The following ZNF608 variants were observed in gnomAD, a reference collection of about 807,000 sequenced individuals.
ZNF608 encodes the protein zinc finger protein 608.
A neutral mutation model predicts 109.0 loss-of-function variants in ZNF608; 12 were observed. The observed-to-expected ratio is 0.11, with a 90% CI of 0.07 to 0.18. The LOEUF is 0.18. ZNF608 is among the 10% of genes least tolerant of loss of function. The probability of loss-of-function intolerance (pLI) is 1.00; values close to 1 mark genes in which losing one functional copy is unlikely to be tolerated. For missense variants in ZNF608, 1,707 were observed against 1,879.3 expected (o/e 0.91, Z 1.70); for synonymous variants, 732 against 717.4 (o/e 1.02, Z -0.33).
intron 2 of ZNF608, among the ~76,000 whole-genome samples, chr5:124,701,643 A>T (rs963893299): frequency 1.3e-5 from 2 of 152,224 alleles, no homozygotes; most frequent in African/African-American, 2.4e-5. Flanking sequence ...ACAGTTTCTA[A>T]AGGAGAAACT....
intron 3 of ZNF608, among the ~76,000 whole-genome samples, chr5:124,673,332 C>T (rs111659460): frequency 8.9e-4 from 136 of 152,266 alleles, no homozygotes; most frequent in Non-Finnish European, 1.6e-3. Flanking sequence ...AATACAGATA[C>T]GTAGATATCT....
At chr5:124,718,580 A>G (rs1329609234) in intron 2 of ZNF608, among the ~76,000 whole-genome samples, 1 of 152,240 alleles carries the variant, frequency 6.6e-6, no homozygotes, top group Non-Finnish European at 1.5e-5. Flanking sequence ...TTAACAGCCA[A>G]TCCTCTGTTT....
chr5:124,644,124 G>A (rs1333916135), intron 6 of ZNF608, 120 bp downstream of exon 6: 6 of 912,554 alleles, frequency 6.6e-6, no homozygotes, highest in Non-Finnish European at 9.6e-6. Flanking sequence ...ACTTTAAACA[G>A]CATAAAAACA....
intron 3 of ZNF608, among the ~76,000 whole-genome samples, chr5:124,658,075 G>A (rs1016443239): frequency 6.6e-6 from 1 of 151,986 alleles, no homozygotes; most frequent in Non-Finnish European, 1.5e-5. Context: ...AGTAGTTCCT[G>A]CTAAGGTTCC....
chr5:124,684,397 C>T lies in ZNF608; in HGVS notation c.1162+16617G>A, dbSNP rs557845757. On this transcript the variant is annotated intron_variant, in intron 3 of 9. Coordinates refer to ENST00000513986, the MANE Select transcript of ZNF608 (RefSeq NM_020747.3). ...GCCAAGAAAACACAGCCAGAGGGTA[C>T]GAAAAGGGAGGTTGCAGCCCTGTTC... 2.0e-5 allele frequency among the ~76,000 whole-genome samples: 3 copies of T among 152,244 alleles called. No homozygotes were observed. In the South Asian group the frequency reaches 6.2e-4, roughly 32 times the overall value.
At chr5:124,641,043 A>G (rs2149781150) in intron 8 of ZNF608, among the ~76,000 whole-genome samples, 1 of 152,324 alleles carries the variant, frequency 6.6e-6, no homozygotes, top group African/African-American at 2.4e-5. Flanking sequence ...AACTGGTGAC[A>G]ATTATTAAGT....
rs115714838 is a variant in ZNF608 at position 124,686,498 on chromosome 5, C to A, written c.1162+14516G>T. 2.1e-3 allele frequency among the ~76,000 whole-genome samples: 326 copies of A among 152,318 alleles called. 4 individuals are homozygous for A. The highest frequency in any genetic ancestry group is 6.9e-3 in the African/African-American group (285 of 41,578). ...CAATGCCCCAGTCCCAGTTGTGGCT[C>A]TTCTGTGTTTCTGGTACCCAGCCAC... On this transcript the variant is annotated intron_variant, in intron 3 of 9. Transcript: ENST00000513986.
rs1749566836 is a variant in ZNF608 at position 124,744,607 on chromosome 5, G to T, written c.383C>A (p.Pro128His). ...CCTCTTGCCAGTGCTGCTGATCTCG[G>T]GAATCCCATACAAGGCAGCAGAAGG... ...SLPSAALYGI[P>H]EISSTGKRQE... is the part of the protein sequence containing the mutation. The change falls in exon 2 of 10, where the codon CCC becomes CAC. Residue 128 changes from proline (P) to histidine (H), a missense_variant. Physicochemically the swap from Pro to His is moderately conservative, Grantham distance 77 (BLOSUM62 -2). Coordinates refer to ENST00000513986, the MANE Select transcript of ZNF608 (RefSeq NM_020747.3). The surrounding 1 kb of genome is among the most constrained non-coding windows in gnomAD (Gnocchi z 4.5). 1.2e-6 allele frequency: 2 copies of T among 1,614,166 alleles called. No individual in the cohort carries two copies. The highest frequency in any genetic ancestry group is 1.7e-6 in the Non-Finnish European group (2 of 1,180,042).
At chr5:124,680,756 A>G (rs1752159689) in intron 3 of ZNF608, among the ~76,000 whole-genome samples, 1 of 152,252 alleles carries the variant, frequency 6.6e-6, no homozygotes, top group Non-Finnish European at 1.5e-5. Flanking sequence ...AGAAGAAATT[A>G]GAAAAGCTAA....
chr5:124,739,360 T>C (rs1749282106), intron 2 of ZNF608, among the ~76,000 whole-genome samples: 2 of 152,232 alleles, frequency 1.3e-5, no homozygotes, highest in Non-Finnish European at 2.9e-5. Flanking sequence ...AATCCTAGAT[T>C]ACAGCTCTGA....
At chr5:124,666,789 T>C (rs1751500610) in intron 3 of ZNF608, among the ~76,000 whole-genome samples, 1 of 151,646 alleles carries the variant, frequency 6.6e-6, no homozygotes, top group Admixed American at 6.6e-5. Flanking sequence ...TGGCCTTTAA[T>C]GCTTAACCCT....
intron 3 of ZNF608, among the ~76,000 whole-genome samples, chr5:124,677,885 G>C (rs1273042992): frequency 2.0e-5 from 3 of 152,132 alleles, no homozygotes; most frequent in Admixed American, 6.6e-5. Context: ...CCCCGAGCCA[G>C]AAACACTCAG....
chr5:124,693,290 A>T (rs1752690818), intron 3 of ZNF608, among the ~76,000 whole-genome samples: 1 of 152,144 alleles, frequency 6.6e-6, no homozygotes. Flanking sequence ...GTAATTAGAA[A>T]ATACATCTTC....
intron 3 of ZNF608, among the ~76,000 whole-genome samples, chr5:124,665,417 C>T (rs1240837286): frequency 6.6e-6 from 1 of 151,994 alleles, no homozygotes; most frequent in African/African-American, 2.4e-5. Context: ...TACAACAGAG[C>T]CAAAAGAGCT....
At chr5:124,730,381 G>A (rs1402434163) in intron 2 of ZNF608, among the ~76,000 whole-genome samples, 6 of 152,174 alleles carry the variant, frequency 3.9e-5, no homozygotes, top group East Asian at 1.9e-4. Flanking sequence ...AAGTGATTTC[G>A]TGTTGTCATC....
chr5:124,674,088 A>G (rs1382418982), intron 3 of ZNF608, among the ~76,000 whole-genome samples: 1 of 152,226 alleles, frequency 6.6e-6, no homozygotes, highest in African/African-American at 2.4e-5. Flanking sequence ...TTGCATTATC[A>G]TAAAAATCAT....
chr5:124,713,102 T>C (rs1228377428), intron 2 of ZNF608, among the ~76,000 whole-genome samples: 1 of 152,206 alleles, frequency 6.6e-6, no homozygotes, highest in Admixed American at 6.5e-5. Context: ...CCAAGGCACA[T>C]GCCCCTTAAT....
chr5:124,687,124 C>T (rs1298907600), intron 3 of ZNF608, among the ~76,000 whole-genome samples: 1 of 152,160 alleles, frequency 6.6e-6, no homozygotes, highest in Admixed American at 6.5e-5. Context: ...TATATTCATA[C>T]ACACGTAAAC....
At chr5:124,702,112 T>C (rs371330249) in intron 2 of ZNF608, among the ~76,000 whole-genome samples, 1 of 152,200 alleles carries the variant, frequency 6.6e-6, no homozygotes, top group South Asian at 2.1e-4. Flanking sequence ...GAGTTCTTCA[T>C]CACAAAAAGT....
Sources: gnomAD v4.1 joint callset for allele counts (sites outside exome capture counted in the v4.1 genomes callset) on GRCh38, gnomAD v4.1.1 for gene constraint, Gnocchi (gnomAD v3.1) non-coding constraint, MANE v1.5 for transcripts, NCBI Gene and HGNC (gene_info 2026-07-23, HGNC 2026-07-21) for gene names.